Variants in CDH10 observed in about 807,000 individuals in gnomAD.
CDH10 encodes the protein cadherin-10.
CDH10 carries 30 observed loss-of-function variants against 73.1 expected under a neutral mutation model. The ratio of observed to expected loss-of-function variants is 0.41; its 90% CI spans 0.31 to 0.56. The LOEUF is 0.56. CDH10 is among the 20% of genes least tolerant of loss of function. CDH10 has a pLI of 0.27. For synonymous variants in CDH10, 345 were observed against 348.2 expected (o/e 0.99, Z 0.10); for missense variants, 815 against 973.7 (o/e 0.84, Z 2.17).
chr5:24,487,660 A>C lies in CDH10; in HGVS notation c.*3T>G. 2 of 1,607,650 alleles carry C rather than the reference A, an allele frequency of 1.2e-6. No individual in the cohort carries two copies. Among genetic ancestry groups the C allele is most frequent in the Non-Finnish European group, 1.7e-6 (2 of 1,176,492 alleles). ...CTTGTTTGAACAGAACATATATCCT[A>C]CGTTAAGAGTCTTTGTCACTTTCCC... On this transcript the variant is annotated 3_prime_UTR_variant, in exon 12 of 12. Transcript: ENST00000264463.
At chr5:24,520,654 T>C (rs1743287868) in intron 5 of CDH10, among the ~76,000 whole-genome samples, 1 of 152,240 alleles carries the variant, frequency 6.6e-6, no homozygotes, top group African/African-American at 2.4e-5. Flanking sequence ...GCGCTACTTA[T>C]AGTCTTTTGT....
intron 5 of CDH10, among the ~76,000 whole-genome samples, chr5:24,515,538 G>A (rs944167126): frequency 1.3e-5 from 2 of 152,148 alleles, no homozygotes; most frequent in Non-Finnish European, 2.9e-5. Context: ...AATCACTTAT[G>A]TAAAGTTTAG....
chr5:24,575,355 CA>C (rs751333761), intron 2 of CDH10, among the ~76,000 whole-genome samples: 12 of 123,822 alleles, frequency 9.7e-5, no homozygotes, highest in African/African-American at 1.0e-4. Context: ...ACAAAAACAA[CA>C]AAAAAAAAAA....
At chr5:24,641,116 T>G (rs1452457948) in intron 1 of CDH10, among the ~76,000 whole-genome samples, 1 of 151,902 alleles carries the variant, frequency 6.6e-6, no homozygotes, top group Non-Finnish European at 1.5e-5. Context: ...CAAGAAGGTA[T>G]GGGAAAAGCA....
In CDH10 at chr5:24,535,839, C is replaced by T. The variant is rs1743930646; in HGVS notation, c.527-17G>A. 1 of 1,600,726 alleles carries T rather than the reference C, an allele frequency of 6.2e-7. No individual in the cohort carries two copies. The highest frequency in any genetic ancestry group is 1.3e-5 in the African/African-American group (1 of 74,416). On this transcript the variant is annotated splice_polypyrimidine_tract_variant and intron_variant, in intron 3 of 11. Transcript: ENST00000264463. ...CAGAAGTACCTGAAGTATCCAAATT[C>T]AGCTTAGTTCTGCACAGTACCAGAA...
intron 1 of CDH10, among the ~76,000 whole-genome samples, chr5:24,607,509 T>C (rs1370504251): frequency 6.6e-6 from 1 of 152,158 alleles, no homozygotes; most frequent in East Asian, 1.9e-4. Flanking sequence ...TGACATAAAT[T>C]ATAAATAAGG....
intron 2 of CDH10, among the ~76,000 whole-genome samples, chr5:24,584,960 C>T (rs1317206673): frequency 6.6e-6 from 1 of 151,422 alleles, no homozygotes; most frequent in African/African-American, 2.4e-5. Context: ...GATCTTTTCA[C>T]CTCACCCTTT....
chr5:24,627,693 C>T (rs916648003), intron 1 of CDH10, among the ~76,000 whole-genome samples: 2 of 152,100 alleles, frequency 1.3e-5, no homozygotes, highest in Admixed American at 1.3e-4. Flanking sequence ...AGAGGCAAAT[C>T]ACTCTGTACA....
At chr5:24,637,443 T>G (rs1436981421) in intron 1 of CDH10, among the ~76,000 whole-genome samples, 1 of 151,950 alleles carries the variant, frequency 6.6e-6, no homozygotes, top group East Asian at 1.9e-4. Flanking sequence ...ATGGAAACAT[T>G]TAGAGCACAA....
At position 24,564,410 on chromosome 5, in the gene CDH10, GA is replaced by G. The variant is rs540924264; in HGVS notation, c.232-26737del. Among the ~76,000 whole-genome samples, 5 of 152,236 alleles carry G rather than the reference GA, an allele frequency of 3.3e-5. No individual in the cohort carries two copies. The East Asian group carries it at 9.7e-4, about 30-fold the overall frequency. ...CTACATGGTGTGTTTTCAGTTCAGT[GA>G]AGGCTGAATAATTAATCTTTACAAA... On this transcript the variant is annotated intron_variant, in intron 2 of 11. Coordinates refer to ENST00000264463, the MANE Select transcript of CDH10 (RefSeq NM_006727.5).
intron 5 of CDH10, among the ~76,000 whole-genome samples, chr5:24,518,699 T>C (rs2111802427): frequency 6.6e-6 from 1 of 152,172 alleles, no homozygotes; most frequent in South Asian, 2.1e-4. Flanking sequence ...TCATGTTTTT[T>C]TCCCTGTTCT....
At chr5:24,539,523 T>C (rs553010597) in intron 2 of CDH10, among the ~76,000 whole-genome samples, 3 of 152,166 alleles carry the variant, frequency 2.0e-5, no homozygotes, top group African/African-American at 7.2e-5. Context: ...AATTAGCACC[T>C]AGCCATCAAC....
chr5:24,588,604 G>C (rs1158456465), intron 2 of CDH10, among the ~76,000 whole-genome samples: 1 of 152,140 alleles, frequency 6.6e-6, no homozygotes, highest in African/African-American at 2.4e-5. Flanking sequence ...CTTCATTCCA[G>C]CTACTCCTTC....
At chr5:24,597,517 G>A (rs1561187940) in intron 1 of CDH10, among the ~76,000 whole-genome samples, 3 of 152,010 alleles carry the variant, frequency 2.0e-5, no homozygotes, top group African/African-American at 7.2e-5. Flanking sequence ...GTACTCTAAG[G>A]CCTTTTTCCA....
At chr5:24,489,360 G>T (rs1741964420) in intron 11 of CDH10, among the ~76,000 whole-genome samples, 1 of 152,030 alleles carries the variant, frequency 6.6e-6, no homozygotes, top group Non-Finnish European at 1.5e-5. Flanking sequence ...TCATGAAAAA[G>T]AAAGTTTTAG....
intron 1 of CDH10, among the ~76,000 whole-genome samples, chr5:24,628,156 C>G (rs1453946690): frequency 6.6e-6 from 1 of 152,084 alleles, no homozygotes; most frequent in Non-Finnish European, 1.5e-5. Context: ...TGAGCCTGAA[C>G]TGAGGTATGA....
At chr5:24,577,097 T>A in intron 2 of CDH10, among the ~76,000 whole-genome samples, 1 of 148,912 alleles carries the variant, frequency 6.7e-6, no homozygotes. Context: ...AACCAAAAAC[T>A]GTGAAGCTTC....
intron 2 of CDH10, among the ~76,000 whole-genome samples, chr5:24,570,878 A>G (rs1469112361): frequency 6.6e-6 from 1 of 152,124 alleles, no homozygotes; most frequent in African/African-American, 2.4e-5. Flanking sequence ...TTCAAAAAAA[A>G]AATTATGACC....
intron 1 of CDH10, among the ~76,000 whole-genome samples, chr5:24,629,935 T>C (rs1747648016): frequency 6.6e-6 from 1 of 152,174 alleles, no homozygotes; most frequent in Non-Finnish European, 1.5e-5. Context: ...GTGTCTCTCA[T>C]GAGTCATTTA....
Sources: allele counts gnomAD v4.1 joint callset (sites outside exome capture counted in the v4.1 genomes callset), GRCh38; gene constraint gnomAD v4.1.1; transcripts MANE v1.5; gene names NCBI Gene and HGNC (gene_info 2026-07-23, HGNC 2026-07-21).